Variants in NALF1 observed in about 807,000 individuals in gnomAD.
The protein encoded by NALF1 is NALCN channel auxiliary factor 1, also known as family with sequence similarity 155 member A.
NALF1 carries 3 observed loss-of-function variants against 48.4 expected under a neutral mutation model. That is an observed-to-expected ratio of 0.06 (90% CI 0.03 to 0.16). The LOEUF is 0.16. Among genes scored for constraint, NALF1 ranks in the 10% least tolerant of loss-of-function variants. The probability of loss-of-function intolerance (pLI) is 1.00; values close to 1 mark genes in which losing one functional copy is unlikely to be tolerated. For synonymous variants in NALF1, 262 were observed against 245.7 expected, an observed-to-expected ratio of 1.07 and a Z score of -0.62; for missense variants, 526 against 571.5, an observed-to-expected ratio of 0.92 and a Z score of 0.81.
intron 1 of NALF1, among the ~76,000 whole-genome samples, chr13:107,518,569 G>C (rs377324551): frequency 6.6e-6 from 1 of 152,084 alleles, no homozygotes; most frequent in African/African-American, 2.4e-5. Flanking sequence ...CTAAGTGCTC[G>C]GGATATTTCA....
intron 1 of NALF1, among the ~76,000 whole-genome samples, chr13:107,299,267 C>T (rs919976802): frequency 1.3e-5 from 2 of 151,774 alleles, no homozygotes; most frequent in Non-Finnish European, 1.5e-5. Flanking sequence ...GACGTCTCTA[C>T]CAAAAATACA....
chr13:107,793,799 C>T (rs759281019), intron 1 of NALF1, among the ~76,000 whole-genome samples: 16 of 152,048 alleles, frequency 1.1e-4, no homozygotes, highest in Non-Finnish European at 2.2e-4. Context: ...CCCACTTCAA[C>T]TTAACTACTT....
chr13:107,491,442 C>G (rs1029348231), intron 1 of NALF1, among the ~76,000 whole-genome samples: 1 of 148,544 alleles, frequency 6.7e-6, no homozygotes, highest in Non-Finnish European at 1.5e-5. Flanking sequence ...TTGGAGAGTT[C>G]GGGCTCCACT....
intron 1 of NALF1, among the ~76,000 whole-genome samples, chr13:107,777,587 G>A (rs1877774212): frequency 6.6e-6 from 1 of 152,180 alleles, no homozygotes; most frequent in Admixed American, 6.5e-5. Flanking sequence ...CATTCGTCAT[G>A]TAAAGTGCCT....
chr13:107,856,641 C>G (rs1399301274), intron 1 of NALF1, among the ~76,000 whole-genome samples: 1 of 152,092 alleles, frequency 6.6e-6, no homozygotes, highest in African/African-American at 2.4e-5. Flanking sequence ...CTACTGTGAG[C>G]AAGGTGTTAG....
At chr13:107,425,282 A>T (rs1884260120) in intron 1 of NALF1, among the ~76,000 whole-genome samples, 1 of 152,208 alleles carries the variant, frequency 6.6e-6, no homozygotes, top group Non-Finnish European at 1.5e-5. Context: ...TCATAAACTA[A>T]GTGCGTTTCT....
At position 107,419,503 on chromosome 13, in the gene NALF1, T is replaced by C. The variant is rs1040483794; in HGVS notation, c.916-208748A>G. Among the ~76,000 whole-genome samples, 73 of 152,118 alleles carry C rather than the reference T, an allele frequency of 4.8e-4. 4 individuals carry two copies. ...ATTGACTCTTGCAAGAGGCGGTAGA[T>C]TTCATATCACTGAAGAGGTGAAAGT... On this transcript the variant is annotated intron_variant, in intron 1 of 2. Coordinates refer to ENST00000375915, the MANE Select transcript of NALF1 (RefSeq NM_001080396.3).
intron 1 of NALF1, among the ~76,000 whole-genome samples, chr13:107,829,100 T>G (rs1026692644): frequency 2.0e-5 from 3 of 152,218 alleles, no homozygotes; most frequent in African/African-American, 7.2e-5. Flanking sequence ...TGAGCAAAAG[T>G]AGACAAGCAA....
At chr13:107,520,554 G>A (rs964493041) in intron 1 of NALF1, among the ~76,000 whole-genome samples, 2 of 152,206 alleles carry the variant, frequency 1.3e-5, no homozygotes, top group East Asian at 1.9e-4. Context: ...AGTAGCTAAC[G>A]CTTATTAAAG....
intron 1 of NALF1, among the ~76,000 whole-genome samples, chr13:107,814,662 C>A (rs9301262): frequency 6.6e-6 from 1 of 151,968 alleles, no homozygotes; most frequent in Admixed American, 6.6e-5. Context: ...ACTCACCTAA[C>A]AGAGCCTTCA....
At chr13:107,322,223 G>A (rs373724081) in intron 1 of NALF1, among the ~76,000 whole-genome samples, 10 of 152,114 alleles carry the variant, frequency 6.6e-5, no homozygotes, top group African/African-American at 2.4e-4. Context: ...CATTTTCTAG[G>A]ATAAACTTTA....
chr13:107,452,830 G>C (rs1468291415), intron 1 of NALF1, among the ~76,000 whole-genome samples: 2 of 152,184 alleles, frequency 1.3e-5, no homozygotes, highest in African/African-American at 4.8e-5. Context: ...TAGATACAAA[G>C]GGGGTAAAGG....
chr13:107,824,843 TG>T (rs1879465413), intron 1 of NALF1, among the ~76,000 whole-genome samples: 1 of 152,204 alleles, frequency 6.6e-6, no homozygotes. Context: ...TCATAAATCA[TG>T]TTTGCTTTGC....
At chr13:107,178,832 C>G (rs1878996944) in intron 2 of NALF1, among the ~76,000 whole-genome samples, 1 of 152,004 alleles carries the variant, frequency 6.6e-6, no homozygotes. Context: ...GTAGTCGCAG[C>G]TACTCGGGAG....
chr13:107,571,636 T>A (rs535980855), intron 1 of NALF1, among the ~76,000 whole-genome samples: 74 of 152,308 alleles, frequency 4.9e-4, no homozygotes, highest in African/African-American at 1.8e-3. Context: ...TTTATTGAAC[T>A]GAAGAAGGGG....
At chr13:107,601,148 G>A (rs374293342) in intron 1 of NALF1, among the ~76,000 whole-genome samples, 1 of 152,188 alleles carries the variant, frequency 6.6e-6, no homozygotes, top group African/African-American at 2.4e-5. Context: ...TATCCATTAG[G>A]CAGTGGGCCA....
At chr13:107,526,146 T>C (rs571394752) in intron 1 of NALF1, among the ~76,000 whole-genome samples, 61 of 152,112 alleles carry the variant, frequency 4.0e-4, no homozygotes, top group Non-Finnish European at 7.2e-4. Context: ...TTTTTTACCA[T>C]CTCAATTTTC....
At position 107,866,115 on chromosome 13, in the gene NALF1, G is replaced by C; in HGVS notation, c.482C>G (p.Ser161Cys). 6.2e-7 allele frequency: 1 copy of C among 1,612,692 alleles called. No individual in the cohort carries two copies. The highest frequency in any genetic ancestry group is 1.7e-4 in the Middle Eastern group (1 of 6,058). The change falls in exon 1 of 3, where the codon TCT becomes TGT. Residue 161 changes from serine (S) to cysteine (C), a missense_variant. Ser to Cys is a moderately radical substitution (Grantham distance 112, BLOSUM62 -1). Transcript: ENST00000375915. This position sits in a 1 kb window ranked among gnomAD's most constrained non-coding sequence, Gnocchi z 4.4. ...CTCCAGGCGCCACACGGGCTTGGCA[G>C]AGTTTCCTAGAAAAAGAGCCTTGCC... ...DRGKALFLGN[S>C]AKPVWRLETC...
rs113296567 is a variant in NALF1, at chr13:107,797,556, G to A, written c.915+68126C>T. On this transcript the variant is annotated intron_variant, in intron 1 of 2. Coordinates refer to ENST00000375915, the MANE Select transcript of NALF1 (RefSeq NM_001080396.3). ...GTCTGTATAAACATTTGCTTAGTAAGTAATCCACAAATATTTACTAAGAAT... is the reference window on the plus strand; with the variant it reads ...GTCTGTATAAACATTTGCTTAGTAAATAATCCACAAATATTTACTAAGAAT... Among the ~76,000 whole-genome samples the A allele has an allele frequency of 1.4e-3, 217 of 152,262 alleles. 1 individual carries two copies. The highest frequency in any genetic ancestry group is 5.1e-3 in the African/African-American group (210 of 41,548).
Sources: allele counts gnomAD v4.1 joint callset (sites outside exome capture counted in the v4.1 genomes callset), GRCh38; gene constraint gnomAD v4.1.1; non-coding constraint Gnocchi (gnomAD v3.1); transcripts MANE v1.5; gene names NCBI Gene and HGNC (gene_info 2026-07-23, HGNC 2026-07-21).